EFCAB10: variants seen among roughly 807,000 people sequenced by gnomAD.
The protein encoded by EFCAB10 is EF-hand calcium-binding domain-containing protein 10.
In EFCAB10, 7 loss-of-function variants were observed where a neutral mutation model predicts 7.7. The ratio of observed to expected loss-of-function variants is 0.91; its 90% CI spans 0.52 to 1.72. The LOEUF is 1.72. EFCAB10 is among the 40% of genes most tolerant of loss of function. The pLI, the probability that EFCAB10 is intolerant of heterozygous loss-of-function variation, is 0.00. For synonymous variants in EFCAB10, 52 were observed against 21.0 expected (o/e 2.47, Z -4.03); for missense variants, 112 against 61.5 (o/e 1.82, Z -2.74).
chr7:105,570,108 G>C (rs1187581144), intron 1 of EFCAB10, among the ~76,000 whole-genome samples: 1 of 148,026 alleles, frequency 6.8e-6, no homozygotes, highest in East Asian at 2.0e-4. Context: ...CAGCTACTCG[G>C]GAGGCTGAGG....
rs145531037 is a variant in EFCAB10, at chr7:105,577,434, G to C, written c.106+3924C>G. On this transcript the variant is annotated intron_variant, in intron 1 of 4. Transcript: ENST00000480514. Reference sequence around the variant, plus strand: ...GAATACAGCTGGGAACAAGGAGGAAGGACTTTTGAGTGGTTTTACTGTGGA... The same window carrying C: ...GAATACAGCTGGGAACAAGGAGGAACGACTTTTGAGTGGTTTTACTGTGGA... Among the ~76,000 whole-genome samples the C allele has an allele frequency of 2.0e-4, 30 of 152,258 alleles. No individual in the cohort carries two copies. The East Asian group carries it at 5.8e-3, about 29-fold the overall frequency.
intron 1 of EFCAB10, 106 bp from the exon 2 acceptor site, chr7:105,569,677 T>G: frequency 1.6e-6 from 1 of 612,926 alleles, no homozygotes; most frequent in Non-Finnish European, 2.9e-6. Flanking sequence ...GGCACTGTAC[T>G]AGGCGCTGGG....
intron 3 of EFCAB10, among the ~76,000 whole-genome samples, chr7:105,567,872 T>C (rs1240242256): frequency 6.6e-5 from 10 of 152,232 alleles, no homozygotes; most frequent in Non-Finnish European, 1.5e-4. Context: ...TGCATGCCTG[T>C]AGTTCTAGCT....
intron 3 of EFCAB10, chr7:105,567,698 T>C: frequency 2.0e-6 from 1 of 503,106 alleles, no homozygotes; most frequent in Admixed American, 3.7e-5. Flanking sequence ...ATATTTGTAA[T>C]TGAGGCACCT....
intron 1 of EFCAB10, among the ~76,000 whole-genome samples, chr7:105,574,157 T>G (rs1792013243): frequency 7.3e-6 from 1 of 136,428 alleles, no homozygotes; most frequent in Non-Finnish European, 1.6e-5. Context: ...CACATACATA[T>G]ATATACACAC....
At chr7:105,576,630 G>T (rs1586291727) in intron 1 of EFCAB10, among the ~76,000 whole-genome samples, 1 of 152,088 alleles carries the variant, frequency 6.6e-6, no homozygotes. Flanking sequence ...ATTTTTAGTA[G>T]AGATGGAGTT....
intron 1 of EFCAB10, chr7:105,572,461 T>C (rs1200891435): frequency 6.6e-6 from 1 of 152,248 alleles, no homozygotes; most frequent in African/African-American, 2.4e-5. Flanking sequence ...TTGTGTATAG[T>C]GGCTATTGTG....
chr7:105,572,744 G>A (rs935247094), intron 1 of EFCAB10: 4 of 152,164 alleles, frequency 2.6e-5, no homozygotes, highest in African/African-American at 9.7e-5. Context: ...GCTCAGGCTG[G>A]TCTTGAACTC....
intron 3 of EFCAB10, 46 bp downstream of exon 3, chr7:105,569,157 A>T (rs1370377997): frequency 1.4e-6 from 1 of 697,306 alleles, no homozygotes; most frequent in Admixed American, 2.0e-5. Flanking sequence ...GTGCTTCAAA[A>T]TCATGCCACC....
rs2133495282 is a variant in EFCAB10, at chr7:105,567,116, C to T, written c.383+351G>A. The stretch of plus-strand genomic sequence containing the variant: ...ATTTCCCTCCTTTGTTTTCCCTAAA[C>T]AGTATAAAAGAAGCCTGTATTGTTT... On this transcript the variant is annotated intron_variant, in intron 4 of 4. Transcript: ENST00000480514. The T allele has an allele frequency of 6.6e-7, 1 of 1,523,528 alleles. No homozygotes were observed. Among genetic ancestry groups the T allele is most frequent in the Non-Finnish European group, 8.8e-7 (1 of 1,139,158 alleles). 94.4% of individuals were successfully genotyped at this position (1,523,528 alleles called of 1,614,324 possible). A position where few individuals can be genotyped will look rare whatever the true frequency, so the allele number is the denominator to read the frequency against.
intron 1 of EFCAB10, among the ~76,000 whole-genome samples, chr7:105,579,622 T>C (rs1303273706): frequency 6.6e-6 from 1 of 152,214 alleles, no homozygotes; most frequent in African/African-American, 2.4e-5. Context: ...ATCTGGAAGA[T>C]GGGTGTGAGT....
At chr7:105,575,738 C>T (rs1431287095) in intron 1 of EFCAB10, among the ~76,000 whole-genome samples, 1 of 152,110 alleles carries the variant, frequency 6.6e-6, no homozygotes, top group African/African-American at 2.4e-5. Flanking sequence ...GGACACATAT[C>T]ATAATACCTG....
intron 1 of EFCAB10, among the ~76,000 whole-genome samples, chr7:105,579,267 G>T (rs543605160): frequency 6.6e-6 from 1 of 152,156 alleles, no homozygotes; most frequent in African/African-American, 2.4e-5. Flanking sequence ...GCGAGGAGTC[G>T]TCTTAGGATC....
At chr7:105,570,268 TAC>T (rs1554369774) in intron 1 of EFCAB10, among the ~76,000 whole-genome samples, 15 of 66,448 alleles carry the variant, frequency 2.3e-4, no homozygotes, top group African/African-American at 6.3e-4. Context: ...TATATATATA[TAC>T]ACACACACAC....
At chr7:105,578,371 T>C (rs1792139140) in intron 1 of EFCAB10, among the ~76,000 whole-genome samples, 1 of 152,226 alleles carries the variant, frequency 6.6e-6, no homozygotes, top group African/African-American at 2.4e-5. Flanking sequence ...ATAAAAATTA[T>C]ACAACATATC....
At chr7:105,574,197 T>C (rs1053384141) in intron 1 of EFCAB10, among the ~76,000 whole-genome samples, 25 of 149,504 alleles carry the variant, frequency 1.7e-4, no homozygotes, top group African/African-American at 5.9e-4. Context: ...CACACACACG[T>C]ATATATATAG....
At chr7:105,569,340 T>C (rs2133508445) in intron 2 of EFCAB10, 50 bp from the exon 3 acceptor site, 1 of 694,236 alleles carries the variant, frequency 1.4e-6, no homozygotes, top group Non-Finnish European at 2.6e-6. Flanking sequence ...AAGTGAGAAG[T>C]ATTTTCTGCT....
chr7:105,574,808 G>A (rs868198128), intron 1 of EFCAB10, among the ~76,000 whole-genome samples: 14 of 151,800 alleles, frequency 9.2e-5, no homozygotes, highest in East Asian at 2.0e-4. Context: ...TAAAACCATC[G>A]GATCAGGTCA....
rs368440453 is a variant in EFCAB10, at chr7:105,574,630, G to A, written c.107-5059C>T. Among the ~76,000 whole-genome samples the A allele has an allele frequency of 6.6e-5, 10 of 151,738 alleles. No individual in the cohort carries two copies. In the South Asian group the frequency reaches 1.0e-3, roughly 16 times the overall value. The stretch of plus-strand genomic sequence containing the variant: ...CTCCCGAGTAGCTGGGATTACAGGC[G>A]CCCGCCACCATGCCCGGCTAATTTT... On this transcript the variant is annotated intron_variant, in intron 1 of 4. Transcript: ENST00000480514.
Sources: allele counts gnomAD v4.1 joint callset (sites outside exome capture counted in the v4.1 genomes callset), GRCh38; gene constraint gnomAD v4.1.1; transcripts MANE v1.5; gene names NCBI Gene and HGNC (gene_info 2026-07-23, HGNC 2026-07-21).